NRBP1: variants seen among roughly 807,000 people sequenced by gnomAD.
NRBP1 encodes nuclear receptor binding protein 1.
NRBP1 carries 10 observed loss-of-function variants against 76.0 expected under a neutral mutation model. That is an observed-to-expected ratio of 0.13 (90% CI 0.08 to 0.22). The LOEUF is 0.22. Ranked by LOEUF, NRBP1 falls within the 10% of genes least tolerant of loss-of-function variation. NRBP1 has a pLI of 1.00. For missense variants in NRBP1, 344 were observed against 646.0 expected (o/e 0.53, Z 5.07); for synonymous variants, 235 against 240.2 (o/e 0.98, Z 0.20).
intron 1 of NRBP1, chr2:27,432,047 C>G (rs1049109663): frequency 6.6e-6 from 1 of 152,194 alleles, no homozygotes; most frequent in East Asian, 1.9e-4. Flanking sequence ...CAGGGTTTTG[C>G]CATGTTGGTC....
chr2:27,436,578 G>C, intron 7 of NRBP1, 175 bp from the exon 8 acceptor site: 2 of 598,612 alleles, frequency 3.3e-6, no homozygotes, highest in South Asian at 2.0e-5. Context: ...AGGGGAGGTA[G>C]GTGGCATCCA....
At position 27,434,103 on chromosome 2, in the gene NRBP1, T is replaced by C; in HGVS notation, c.435+13T>C. The C allele has an allele frequency of 6.3e-7, 1 of 1,582,710 alleles. No homozygotes were observed. The highest frequency in any genetic ancestry group is 1.3e-5 in the African/African-American group (1 of 74,324). On this transcript the variant is annotated intron_variant, in intron 4 of 17. Transcript: ENST00000379852. Reference sequence around the variant, plus strand: ...GAACAAGGCCAGGGTAAGAATTTTTTCCCCATATTTCCTGAACTTATTGCA... The same window carrying C: ...GAACAAGGCCAGGGTAAGAATTTTTCCCCCATATTTCCTGAACTTATTGCA...
chr2:27,433,515 G>A (rs2148446837), intron 2 of NRBP1, 32 bp downstream of exon 2: 1 of 1,610,596 alleles, frequency 6.2e-7, no homozygotes. Flanking sequence ...TCTTGGGTGA[G>A]TGAATTCTGG....
intron 4 of NRBP1, 124 bp from the exon 5 acceptor site, chr2:27,434,347 T>G: frequency 1.3e-6 from 1 of 798,854 alleles, no homozygotes; most frequent in Admixed American, 2.3e-5. Flanking sequence ...CTATTTAGTC[T>G]AAGTAAGTAA....
chr2:27,434,576 A>G lies in NRBP1; in HGVS notation c.525+16A>G. The G allele has an allele frequency of 6.2e-7, 1 of 1,611,360 alleles. No homozygotes were observed. Among genetic ancestry groups the G allele is most frequent in the Non-Finnish European group, 8.5e-7 (1 of 1,177,492 alleles). ...GAATGAAAAGGTATAGAAGGAGAGC[A>G]GACAAAGTTTGAGGCTGGTTTTTGG... is the stretch of plus-strand genomic sequence containing the variant. On this transcript the variant is annotated intron_variant, in intron 5 of 17. Coordinates refer to ENST00000379852, the MANE Select transcript of NRBP1 (RefSeq NM_013392.4).
Position 27,434,773 on chromosome 2 carries a change from C to A in NRBP1, c.566+11C>A. On this transcript the variant is annotated intron_variant, in intron 6 of 17. Transcript: ENST00000379852. Reference sequence around the variant, plus strand: ...CCTCTCTGCCCTAAGGTAAGTAGTACCTGGTTAGTTTCTTACCCATATTTC... The same window carrying A: ...CCTCTCTGCCCTAAGGTAAGTAGTAACTGGTTAGTTTCTTACCCATATTTC... 1 of 1,613,450 alleles carries A rather than the reference C, an allele frequency of 6.2e-7. No individual in the cohort carries two copies. Among genetic ancestry groups the A allele is most frequent in the Middle Eastern group, 1.7e-4 (1 of 6,056 alleles).
intron 1 of NRBP1, among the ~76,000 whole-genome samples, chr2:27,432,553 T>C (rs1300832725): frequency 6.6e-6 from 1 of 151,852 alleles, no homozygotes; most frequent in Non-Finnish European, 1.5e-5. Flanking sequence ...AATTTGCAGA[T>C]AAGTATTAGG....
At chr2:27,437,499 T>C (rs1393904824) in intron 10 of NRBP1, 139 bp downstream of exon 10, 1 of 658,464 alleles carries the variant, frequency 1.5e-6, no homozygotes, top group African/African-American at 1.8e-5. Flanking sequence ...ATAAACATTT[T>C]CTTAGGAGGT....
At chr2:27,436,981 A>G in intron 8 of NRBP1, 66 bp from the exon 9 acceptor site, 1 of 1,491,284 alleles carries the variant, frequency 6.7e-7, no homozygotes, top group Non-Finnish European at 9.2e-7. Context: ...TTTTTTTCCT[A>G]AGGCATTCCT....
chr2:27,428,530 C>A, upstream of NRBP1: 1 of 395,814 alleles, frequency 2.5e-6, no homozygotes, highest in East Asian at 3.6e-5. Context: ...CGCCCGAGGG[C>A]CGGGCCCCGC....
chr2:27,430,478 T>TTTTTTTTTC (rs1553317017), intron 1 of NRBP1, among the ~76,000 whole-genome samples: 8 of 137,806 alleles, frequency 5.8e-5, no homozygotes, highest in African/African-American at 1.4e-4. Flanking sequence ...TCTTTTTTTT[T>TTTTTTTTTC]TTTTTTTTGA....
rs951995078 is a variant in NRBP1, at chr2:27,433,917, A to G, written c.334-72A>G. 3 of 1,594,120 alleles carry G rather than the reference A, an allele frequency of 1.9e-6. No individual in the cohort carries two copies. In the Admixed American group the frequency reaches 5.0e-5, roughly 27 times the overall value. ...GGGGTTAGATCGTTTCTGGGGAGGG[A>G]TAGGGAATGGCTTCTCAGGATTATT... On this transcript the variant is annotated intron_variant, in intron 3 of 17. Coordinates refer to ENST00000379852, the MANE Select transcript of NRBP1 (RefSeq NM_013392.4).
intron 16 of NRBP1, 29 bp downstream of exon 16, chr2:27,441,359 G>T: frequency 6.2e-7 from 1 of 1,602,126 alleles, no homozygotes; most frequent in Non-Finnish European, 8.6e-7. Context: ...TCAGAGGATG[G>T]AGAGTCTATG....
intron 14 of NRBP1, 35 bp from the exon 15 acceptor site, chr2:27,441,092 C>G (rs775790022): frequency 6.2e-7 from 1 of 1,611,846 alleles, no homozygotes; most frequent in South Asian, 1.1e-5. Context: ...TTTTTATGGA[C>G]AGGTCTCTAG....
Position 27,436,834 on chromosome 2 carries a change from G to T in NRBP1, c.743G>T (p.Gly248Val). Residue 248 changes from glycine to valine, a missense_variant and splice_region_variant, in exon 8 of 18, where the codon GGA becomes GTA. Around this residue, in one of 3 missense-constraint regions of NRBP1, gnomAD observed 73 missense variants for 287.8 expected, o/e 0.25. Transcript: ENST00000379852. ...KNLHFFAPEY[G>V]EVTNVTTAVD... The stretch of plus-strand genomic sequence containing the variant: ...CTACACTTCTTTGCACCAGAGTATG[G>T]AGGTGAGCCTTCCTGCTTTCTCTGC... 6.2e-7 allele frequency: 1 copy of T among 1,613,752 alleles called. No homozygotes were observed. The highest frequency in any genetic ancestry group is 8.5e-7 in the Non-Finnish European group (1 of 1,179,626).
At chr2:27,430,469 C>CTTTTTTTT (rs977927783) in intron 1 of NRBP1, among the ~76,000 whole-genome samples, 34 of 138,658 alleles carry the variant, frequency 2.5e-4, no homozygotes, top group East Asian at 6.3e-4. Context: ...TTCTTTTTTT[C>CTTTTTTTT]TTTTTTTTTT....
chr2:27,428,691 G>A lies in NRBP1; in HGVS notation c.-61G>A. 1 of 398,226 alleles carries A rather than the reference G, an allele frequency of 2.5e-6. No individual in the cohort carries two copies. 24.7% of individuals were successfully genotyped at this position (398,226 alleles called of 1,614,324 possible). A position where few individuals can be genotyped will look rare whatever the true frequency, so the allele number is the denominator to read the frequency against. ...TGTGATCCGGGGCCCCGGAACCCGA[G>A]CTGGAGCTGAAGCGCAGGCTGCGGG... is the stretch of plus-strand genomic sequence containing the variant. On this transcript the variant is annotated 5_prime_UTR_variant, in exon 1 of 18. Transcript: ENST00000379852.
rs1391019223 is a variant in NRBP1 at position 27,440,837 on chromosome 2, T to C, written c.1226T>C (p.Leu409Pro). The C allele has an allele frequency of 6.2e-7, 1 of 1,614,092 alleles. No individual in the cohort carries two copies. Among genetic ancestry groups the C allele is most frequent in the Non-Finnish European group, 8.5e-7 (1 of 1,180,040 alleles). The change falls in exon 14 of 18, where the codon CTG (leucine) becomes CCG (proline). Residue 409 changes from leucine to proline, a missense_variant. By Grantham distance (98) the Leu-to-Pro change is moderately conservative (BLOSUM62 -3). Around this residue, in one of 3 missense-constraint regions of NRBP1, gnomAD observed 218 missense variants for 309.8 expected, o/e 0.70. Coordinates refer to ENST00000379852, the MANE Select transcript of NRBP1 (RefSeq NM_013392.4). Reference sequence around the variant, plus strand: ...ATCTATCCTCTGACAGCCTTTGGGCTGCCTCGGCCCCAGCAGCCACAGCAG... The same window carrying C: ...ATCTATCCTCTGACAGCCTTTGGGCCGCCTCGGCCCCAGCAGCCACAGCAG... Reference protein sequence around the residue: ...NGIYPLTAFGLPRPQQPQQEE... With the variant: ...NGIYPLTAFGPPRPQQPQQEE...
At chr2:27,432,129 G>C (rs755471030) in intron 1 of NRBP1, 1 of 152,256 alleles carries the variant, frequency 6.6e-6, no homozygotes. Flanking sequence ...GATTAAAGGC[G>C]TGAGCCACTG....
Sources: gnomAD v4.1 joint callset for allele counts (sites outside exome capture counted in the v4.1 genomes callset) on GRCh38, gnomAD v4.1.1 for gene constraint, gnomAD v4.1.1 regional missense constraint, MANE v1.5 for transcripts, NCBI Gene and HGNC (gene_info 2026-07-23, HGNC 2026-07-21) for gene names.